Variants in AOPEP observed in about 807,000 individuals in gnomAD.
The protein encoded by AOPEP is aminopeptidase O.
A neutral mutation model predicts 98.1 loss-of-function variants in AOPEP; 77 were observed. The ratio of observed to expected loss-of-function variants is 0.78; its 90% CI spans 0.65 to 0.95. AOPEP has a LOEUF of 0.95. Ranked by LOEUF, AOPEP falls within the 40% of genes least tolerant of loss-of-function variation. The probability of loss-of-function intolerance (pLI) is 0.00; values close to 1 mark genes in which losing one functional copy is unlikely to be tolerated. For missense variants in AOPEP, 1,024 were observed against 1,024.7 expected (o/e 1.00, Z 0.01); for synonymous variants, 346 against 365.3 (o/e 0.95, Z 0.60).
the AOPEP span, among the ~76,000 whole-genome samples, chr9:95,127,844 A>AG: frequency 6.6e-6 from 1 of 152,122 alleles, no homozygotes; most frequent in African/African-American, 2.4e-5. Context: ...GCACTGCTGG[A>AG]CCCGCCGGGC....
chr9:94,784,198 T>C (rs1439196970), intron 3 of AOPEP, among the ~76,000 whole-genome samples: 3 of 152,208 alleles, frequency 2.0e-5, no homozygotes, highest in Non-Finnish European at 4.4e-5. Flanking sequence ...TATGTGTGTG[T>C]GGTTATAGCT....
intron 1 of AOPEP, among the ~76,000 whole-genome samples, chr9:94,732,394 A>G (rs1291938310): frequency 3.3e-5 from 5 of 152,214 alleles, no homozygotes; most frequent in African/African-American, 4.8e-5. Flanking sequence ...TTGTTGTTAC[A>G]TCATTAGTCT....
chr9:94,763,080 C>G (rs1838746098), intron 2 of AOPEP: 3 of 441,934 alleles, frequency 6.8e-6, no homozygotes, highest in South Asian at 1.7e-5. Context: ...TATACCCGCT[C>G]TAAGTTCTCA....
At chr9:95,081,023 G>A in intron 15 of AOPEP, 1 of 513,922 alleles carries the variant, frequency 1.9e-6, no homozygotes, top group African/African-American at 1.9e-5. Flanking sequence ...GTCATCCGAT[G>A]CTGCGTGCTC....
rs537241259 is a variant in AOPEP at position 94,746,779 on chromosome 9, C to T, written c.-135-12870C>T. On this transcript the variant is annotated intron_variant, in intron 1 of 16. Coordinates refer to ENST00000375315, the MANE Select transcript of AOPEP (RefSeq NM_001193329.3). Reference sequence around the variant, plus strand: ...AGCTGCCATCAGGGAAGCCAGAGTTCATCACATCACATCATGTTTCAGCAT... The same window carrying T: ...AGCTGCCATCAGGGAAGCCAGAGTTTATCACATCACATCATGTTTCAGCAT... Among the ~76,000 whole-genome samples the T allele has an allele frequency of 9.2e-5, 14 of 152,274 alleles. No homozygotes were observed. The South Asian group carries it at 2.9e-3, about 32-fold the overall frequency.
At position 94,738,585 on chromosome 9, in the gene AOPEP, T is replaced by A. The variant is rs191717525; in HGVS notation, c.-136+11834T>A. On this transcript the variant is annotated intron_variant, in intron 1 of 16. Transcript: ENST00000375315. ...GAGAAAAAAAATTATTATTATTATTTTTTTTTGAGATGGAGTCTCGCTCTG... is the reference window on the plus strand; with the variant it reads ...GAGAAAAAAAATTATTATTATTATTATTTTTTGAGATGGAGTCTCGCTCTG... 2.9e-3 allele frequency among the ~76,000 whole-genome samples: 449 copies of A among 152,302 alleles called. 3 individuals carry two copies. Among genetic ancestry groups the A allele is most frequent in the Middle Eastern group, 6.8e-3 (2 of 294 alleles).
chr9:95,111,402 C>A, the AOPEP span: 12 of 1,597,854 alleles, frequency 7.5e-6, no homozygotes, highest in Non-Finnish European at 1.0e-5. Flanking sequence ...CCCCTCTCTG[C>A]AAGCTCCTCT....
intron 5 of AOPEP, among the ~76,000 whole-genome samples, chr9:94,827,206 T>A (rs1250286085): frequency 6.6e-6 from 1 of 152,212 alleles, no homozygotes; most frequent in Non-Finnish European, 1.5e-5. Context: ...GAGATGGTGG[T>A]ATTTCTACCA....
intron 5 of AOPEP, among the ~76,000 whole-genome samples, chr9:94,847,923 G>A (rs898560702): frequency 1.3e-5 from 2 of 152,202 alleles, no homozygotes; most frequent in Non-Finnish European, 2.9e-5. Context: ...TCCTTGGACT[G>A]AAGCAAAGTG....
At chr9:95,083,317 C>T (rs1386723442) in intron 16 of AOPEP, among the ~76,000 whole-genome samples, 4 of 151,380 alleles carry the variant, frequency 2.6e-5, no homozygotes, top group African/African-American at 4.9e-5. Flanking sequence ...CACCAGAGGA[C>T]GCACCACACA....
chr9:94,869,102 A>G (rs909871708), intron 5 of AOPEP, among the ~76,000 whole-genome samples: 3 of 152,028 alleles, frequency 2.0e-5, no homozygotes, highest in African/African-American at 7.2e-5. Context: ...GGTGGTGTGT[A>G]CCTGTAATTC....
chr9:95,078,312 C>T (rs1323801455), intron 14 of AOPEP, among the ~76,000 whole-genome samples: 3 of 152,104 alleles, frequency 2.0e-5, no homozygotes, highest in Admixed American at 1.3e-4. Context: ...GTTTATGCTT[C>T]GTTGTTTCTG....
At chr9:94,797,575 A>G (rs1028970257) in intron 4 of AOPEP, among the ~76,000 whole-genome samples, 3 of 152,198 alleles carry the variant, frequency 2.0e-5, no homozygotes, top group East Asian at 1.9e-4. Context: ...TATTTTAAGT[A>G]TAATTAACAT....
chr9:94,937,349 T>G (rs1300654130), intron 7 of AOPEP, among the ~76,000 whole-genome samples: 1 of 152,234 alleles, frequency 6.6e-6, no homozygotes, highest in Non-Finnish European at 1.5e-5. Flanking sequence ...CAAGCGGCCT[T>G]TTCTCTGCGT....
At chr9:95,125,077 A>G in the AOPEP span, 2 of 1,611,616 alleles carry the variant, frequency 1.2e-6, no homozygotes, top group Admixed American at 1.7e-5. Context: ...TATATGTGAT[A>G]TAACAAACCT....
the AOPEP span, among the ~76,000 whole-genome samples, chr9:95,092,399 G>GC: frequency 6.6e-6 from 1 of 152,124 alleles, no homozygotes; most frequent in Non-Finnish European, 1.5e-5. Flanking sequence ...CGGGCCTGGG[G>GC]CTGCTCCCAG....
At chr9:94,875,980 A>G (rs2046897679) in intron 5 of AOPEP, among the ~76,000 whole-genome samples, 1 of 152,246 alleles carries the variant, frequency 6.6e-6, no homozygotes, top group Non-Finnish European at 1.5e-5. Flanking sequence ...CAGAGTTACT[A>G]TTATGATGAC....
intron 14 of AOPEP, among the ~76,000 whole-genome samples, chr9:95,078,200 G>GA (rs1291576231): frequency 6.6e-6 from 1 of 152,164 alleles, no homozygotes; most frequent in Non-Finnish European, 1.5e-5. Context: ...GATCCGTGGT[G>GA]AAAGAGCCTC....
At chr9:94,798,364 C>T (rs1659890379) in intron 4 of AOPEP, among the ~76,000 whole-genome samples, 1 of 152,148 alleles carries the variant, frequency 6.6e-6, no homozygotes, top group Non-Finnish European at 1.5e-5. Flanking sequence ...CAGAGAGATT[C>T]TAACTTGCCT....
Sources: allele counts gnomAD v4.1 joint callset (sites outside exome capture counted in the v4.1 genomes callset), GRCh38; gene constraint gnomAD v4.1.1; transcripts MANE v1.5; gene names NCBI Gene and HGNC (gene_info 2026-07-23, HGNC 2026-07-21).